Variants in TTC3 observed in about 807,000 individuals in gnomAD.
The protein encoded by TTC3 is tetratricopeptide repeat domain 3, also known as E3 ubiquitin-protein ligase TTC3.
TTC3 carries 180 observed loss-of-function variants against 249.6 expected under a neutral mutation model. That is an observed-to-expected ratio of 0.72 (90% CI 0.64 to 0.82). The LOEUF is 0.82. Among genes scored for constraint, TTC3 ranks in the 40% least tolerant of loss-of-function variants. The pLI is 0.00. For synonymous variants in TTC3, 717 were observed against 805.0 expected (o/e 0.89, Z 1.85); for missense variants, 2,061 against 2,398.4 (o/e 0.86, Z 2.94).
At chr21:37,138,901 G>A (rs1301177191) in intron 19 of TTC3, among the ~76,000 whole-genome samples, 187 bp downstream of exon 19, 1 of 152,066 alleles carries the variant, frequency 6.6e-6, no homozygotes, top group African/African-American at 2.4e-5. Flanking sequence ...GCTTTGCCAG[G>A]CAATCAGTGG....
intron 11 of TTC3, among the ~76,000 whole-genome samples, chr21:37,115,496 T>C (rs899438691): frequency 1.3e-5 from 2 of 152,134 alleles, no homozygotes; most frequent in African/African-American, 4.8e-5. Context: ...TGATTCTGAG[T>C]GTGTGTGCTC....
At chr21:37,198,803 C>CCTA (rs2085193788) in intron 44 of TTC3, among the ~76,000 whole-genome samples, 1 of 152,078 alleles carries the variant, frequency 6.6e-6, no homozygotes, top group African/African-American at 2.4e-5. Flanking sequence ...ATACGCTAGT[C>CCTA]ACACTTTGTA....
At chr21:37,103,381 G>A (rs371991498) in intron 10 of TTC3, among the ~76,000 whole-genome samples, 55 of 152,236 alleles carry the variant, frequency 3.6e-4, no homozygotes, top group Non-Finnish European at 7.9e-4. Context: ...TGCATCTGGA[G>A]TCTTGTCCCA....
At chr21:37,146,538 G>A (rs916861266) in intron 21 of TTC3, among the ~76,000 whole-genome samples, 11 of 151,956 alleles carry the variant, frequency 7.2e-5, no homozygotes, top group African/African-American at 2.7e-4. Context: ...AAAGAGTACT[G>A]ATAACATGCT....
intron 1 of TTC3, among the ~76,000 whole-genome samples, chr21:37,075,126 C>G (rs1185341334): frequency 6.9e-6 from 1 of 145,172 alleles, no homozygotes; most frequent in Non-Finnish European, 1.5e-5. Flanking sequence ...TGTTTTTAAA[C>G]TTTAATGGCA....
intron 36 of TTC3, 124 bp downstream of exon 36, chr21:37,183,037 TC>T: frequency 1.1e-6 from 1 of 897,148 alleles, no homozygotes; most frequent in Non-Finnish European, 1.6e-6. Context: ...AATACTGTTT[TC>T]ATTGTTTTGT....
chr21:37,139,962 T>C (rs896485080), intron 19 of TTC3, among the ~76,000 whole-genome samples: 1 of 152,122 alleles, frequency 6.6e-6, no homozygotes, highest in African/African-American at 2.4e-5. Flanking sequence ...CACAGTAGGG[T>C]TACCAGTATT....
intron 1 of TTC3, chr21:37,081,695 T>G (rs1307781540): frequency 2.6e-5 from 4 of 152,076 alleles, no homozygotes; most frequent in Admixed American, 2.6e-4. Context: ...CACTTATTCT[T>G]TATCTTTCAT....
At chr21:37,118,871 T>C (rs758835258) in intron 11 of TTC3, among the ~76,000 whole-genome samples, 2 of 152,234 alleles carry the variant, frequency 1.3e-5, no homozygotes, top group South Asian at 2.1e-4. Context: ...TTAAATGCTA[T>C]AGTTTTCATC....
At chr21:37,102,237 T>G (rs529442312) in intron 10 of TTC3, among the ~76,000 whole-genome samples, 1 of 152,352 alleles carries the variant, frequency 6.6e-6, no homozygotes, top group Non-Finnish European at 1.5e-5. Flanking sequence ...ACCTGAATCT[T>G]GCTTTTGTTC....
intron 42 of TTC3, 124 bp downstream of exon 42, chr21:37,196,160 AAGAC>A: frequency 7.8e-7 from 1 of 1,274,304 alleles, no homozygotes; most frequent in Non-Finnish European, 1.1e-6. Flanking sequence ...TTTGCTCAGA[AAGAC>A]AGTTGCTACA....
Position 37,132,669 on chromosome 21 carries a change from T to A in TTC3, c.1359-13T>A. On this transcript the variant is annotated splice_polypyrimidine_tract_variant and intron_variant, in intron 16 of 45. Coordinates refer to ENST00000355666, the Ensembl canonical transcript of TTC3. ...TTTTAAAATGATTTTTAAAAATGCT[T>A]TTTTTCTTTTAGTTCTAGTTCACCA... 6.3e-7 allele frequency: 1 copy of A among 1,576,752 alleles called. No individual in the cohort carries two copies. Among genetic ancestry groups the A allele is most frequent in the Non-Finnish European group, 8.6e-7 (1 of 1,166,480 alleles).
intron 10 of TTC3, among the ~76,000 whole-genome samples, chr21:37,097,296 A>T (rs1304837944): frequency 6.6e-6 from 1 of 152,184 alleles, no homozygotes; most frequent in East Asian, 1.9e-4. Context: ...TTTAGAACAT[A>T]AATTATATAT....
chr21:37,179,650 T>A (rs1443468211), intron 35 of TTC3, among the ~76,000 whole-genome samples: 1 of 152,210 alleles, frequency 6.6e-6, no homozygotes, highest in Non-Finnish European at 1.5e-5. Context: ...CAAACTGTGA[T>A]CTTGAAAGTA....
intron 16 of TTC3, among the ~76,000 whole-genome samples, chr21:37,132,251 T>C (rs1000076582): frequency 6.6e-6 from 1 of 152,144 alleles, no homozygotes; most frequent in Admixed American, 6.5e-5. Context: ...CTATTTTACA[T>C]GGCCTTCAGT....
chr21:37,193,831 T>G (rs1303175767), intron 41 of TTC3: 1 of 152,302 alleles, frequency 6.6e-6, no homozygotes. Context: ...AGGTTTCTCA[T>G]GGCAGAATGC....
chr21:37,194,633 G>A (rs947768711), intron 41 of TTC3: 1 of 152,156 alleles, frequency 6.6e-6, no homozygotes, highest in African/African-American at 2.4e-5. Flanking sequence ...GTATCCTGAG[G>A]TTGCTAAGAT....
intron 40 of TTC3, among the ~76,000 whole-genome samples, chr21:37,191,906 C>G (rs1377169470): frequency 1.3e-5 from 2 of 152,104 alleles, no homozygotes; most frequent in African/African-American, 4.8e-5. Context: ...GTGATATTTT[C>G]TTAATTAAAT....
chr21:37,075,460 G>A (rs1253823998), intron 1 of TTC3, among the ~76,000 whole-genome samples: 1 of 152,210 alleles, frequency 6.6e-6, no homozygotes, highest in Non-Finnish European at 1.5e-5. Flanking sequence ...GGCTATGTGC[G>A]TCTTCAATTT....
Sources: gnomAD v4.1 joint callset for allele counts (sites outside exome capture counted in the v4.1 genomes callset) on GRCh38, gnomAD v4.1.1 for gene constraint, MANE v1.5 for transcripts, NCBI Gene and HGNC (gene_info 2026-07-23, HGNC 2026-07-21) for gene names.